Variants in GALNT18 observed in about 807,000 individuals in gnomAD.
GALNT18 encodes polypeptide N-acetylgalactosaminyltransferase 18, also known as GalNAc-transferase 18.
GALNT18 carries 44 observed loss-of-function variants against 69.5 expected under a neutral mutation model. The ratio of observed to expected loss-of-function variants is 0.63; its 90% confidence interval spans 0.50 to 0.81. GALNT18 has a LOEUF of 0.81. Ranked by LOEUF, GALNT18 falls within the 40% of genes least tolerant of loss-of-function variation. GALNT18 has a pLI of 0.00. For missense variants in GALNT18, 715 were observed against 810.0 expected, an observed-to-expected ratio of 0.88 and a Z score of 1.42; for synonymous variants, 364 against 318.2, an observed-to-expected ratio of 1.14 and a Z score of -1.53.
chr11:11,327,598 G>T (rs1849945612), intron 8 of GALNT18, among the ~76,000 whole-genome samples: 1 of 152,208 alleles, frequency 6.6e-6, no homozygotes, highest in Non-Finnish European at 1.5e-5. Context: ...CCTGGGACCA[G>T]ACGCTCTCTG....
At chr11:11,486,938 C>T (rs74606789) in intron 1 of GALNT18, among the ~76,000 whole-genome samples, 5,769 of 152,306 alleles carry the variant, frequency 0.038, 140 homozygotes, top group South Asian at 0.071. Flanking sequence ...ACCACTTGAC[C>T]TGGTATGATG....
rs1292144509 is a variant in GALNT18 at position 11,315,470 on chromosome 11, T to C, written c.1512+11616A>G. 6.6e-6 allele frequency among the ~76,000 whole-genome samples: 1 copy of C among 152,192 alleles called. No homozygotes were observed. Among genetic ancestry groups the C allele is most frequent in the African/African-American group, 2.4e-5 (1 of 41,444 alleles). ...TCTTCATGGATTCTCAAAGGGCTGC[T>C]GGAATGAAGGGAGCCACCCCAGCCC... On this transcript the variant is annotated intron_variant, in intron 9 of 10. Coordinates refer to ENST00000227756, the MANE Select transcript of GALNT18 (RefSeq NM_198516.3). The surrounding 1 kb of genome is among the most constrained non-coding windows in gnomAD (Gnocchi z 5.6).
intron 1 of GALNT18, among the ~76,000 whole-genome samples, chr11:11,554,113 C>T (rs1015176288): frequency 6.6e-5 from 10 of 152,156 alleles, no homozygotes; most frequent in Admixed American, 2.6e-4. Context: ...CCACTCCCTC[C>T]GCTGACTGGC....
At chr11:11,485,592 C>A (rs1217199046) in intron 1 of GALNT18, among the ~76,000 whole-genome samples, 3 of 152,158 alleles carry the variant, frequency 2.0e-5, no homozygotes, top group East Asian at 3.8e-4. Context: ...AGGGAGAAGT[C>A]TTTGCAAGAC....
Position 11,432,443 on chromosome 11 carries a change from G to C in GALNT18, c.595+178C>G, listed in dbSNP as rs1855287637. Among the ~76,000 whole-genome samples the C allele has an allele frequency of 6.6e-6, 1 of 152,202 alleles. No individual in the cohort carries two copies. Among genetic ancestry groups the C allele is most frequent in the Admixed American group, 6.5e-5 (1 of 15,288 alleles). On this transcript the variant is annotated intron_variant, in intron 3 of 10. Coordinates refer to ENST00000227756, the MANE Select transcript of GALNT18 (RefSeq NM_198516.3). The surrounding 1 kb of genome is among the most constrained non-coding windows in gnomAD (Gnocchi z 5.8). ...GACCAGACCCCTCTGGGATGCAGAG[G>C]CCATGCTCAGACGGAGTGAACCTTC... is the stretch of plus-strand genomic sequence containing the variant.
chr11:11,342,027 C>T (rs893428208), intron 6 of GALNT18, among the ~76,000 whole-genome samples: 2 of 151,766 alleles, frequency 1.3e-5, no homozygotes, highest in East Asian at 1.9e-4. Context: ...AGTCTTTGCT[C>T]GATATTCAGA....
intron 9 of GALNT18, among the ~76,000 whole-genome samples, chr11:11,304,827 T>C (rs1352274351): frequency 1.3e-5 from 2 of 152,242 alleles, no homozygotes; most frequent in Non-Finnish European, 1.5e-5. Flanking sequence ...ACTGTCTTTT[T>C]GTTCTCTGCC....
At chr11:11,578,812 C>CA (rs774396249) in intron 1 of GALNT18, among the ~76,000 whole-genome samples, 6 of 152,330 alleles carry the variant, frequency 3.9e-5, no homozygotes, top group Non-Finnish European at 5.9e-5. Context: ...AAGGGAGGTG[C>CA]AATCCCAGCC....
chr11:11,446,249 T>C (rs1402340002), intron 2 of GALNT18, among the ~76,000 whole-genome samples: 2 of 152,214 alleles, frequency 1.3e-5, no homozygotes, highest in African/African-American at 4.8e-5. Context: ...GGGAAGGGCA[T>C]TATCGGCACG....
intron 9 of GALNT18, among the ~76,000 whole-genome samples, chr11:11,306,895 G>A: frequency 6.6e-6 from 1 of 152,204 alleles, no homozygotes; most frequent in East Asian, 1.9e-4. Context: ...CATCACCTAT[G>A]TGACACAAGC....
intron 1 of GALNT18, among the ~76,000 whole-genome samples, chr11:11,559,187 T>C (rs1858403827): frequency 6.6e-6 from 1 of 152,228 alleles, no homozygotes; most frequent in African/African-American, 2.4e-5. Flanking sequence ...GCTGTTTGCC[T>C]GGCAAACTAC....
At chr11:11,460,085 C>G (rs1190022052) in intron 1 of GALNT18, among the ~76,000 whole-genome samples, 1 of 152,154 alleles carries the variant, frequency 6.6e-6, no homozygotes, top group Admixed American at 6.5e-5. Context: ...TTCAAGGACC[C>G]CTACGGTTGC....
At chr11:11,610,816 C>T (rs571371411) in intron 1 of GALNT18, among the ~76,000 whole-genome samples, 2 of 152,316 alleles carry the variant, frequency 1.3e-5, no homozygotes, top group East Asian at 3.9e-4. Context: ...AGCCCATGAA[C>T]TGACAGGTCT....
intron 1 of GALNT18, among the ~76,000 whole-genome samples, chr11:11,491,444 C>T (rs1856768342): frequency 6.6e-6 from 1 of 152,206 alleles, no homozygotes; most frequent in Admixed American, 6.5e-5. Context: ...AACCATCTCC[C>T]AGGGCATAAC....
intron 1 of GALNT18, among the ~76,000 whole-genome samples, chr11:11,508,914 G>C (rs946293626): frequency 5.9e-5 from 9 of 152,122 alleles, no homozygotes; most frequent in Non-Finnish European, 1.2e-4. Flanking sequence ...CAATAACAAA[G>C]AGAGGCTCAG....
intron 1 of GALNT18, among the ~76,000 whole-genome samples, chr11:11,485,915 T>C (rs1305210198): frequency 6.6e-6 from 1 of 152,196 alleles, no homozygotes; most frequent in Non-Finnish European, 1.5e-5. Flanking sequence ...CTGCCCTATG[T>C]AATCTTCTCT....
intron 6 of GALNT18, among the ~76,000 whole-genome samples, chr11:11,361,235 G>A (rs925184397): frequency 5.3e-5 from 8 of 152,184 alleles, no homozygotes; most frequent in Non-Finnish European, 7.3e-5. Context: ...AGACCACAAC[G>A]CTATGCCTTC....
chr11:11,544,127 G>T (rs1044544937), intron 1 of GALNT18, among the ~76,000 whole-genome samples: 5 of 152,222 alleles, frequency 3.3e-5, no homozygotes, highest in African/African-American at 1.2e-4. Context: ...GATGCCATAG[G>T]TGTGGGAGAT....
intron 10 of GALNT18, among the ~76,000 whole-genome samples, chr11:11,280,039 C>G (rs1849036768): frequency 6.6e-6 from 1 of 152,076 alleles, no homozygotes; most frequent in Non-Finnish European, 1.5e-5. Context: ...GGATTACCGA[C>G]TTCCTGTGTT....
Sources: allele counts gnomAD v4.1 joint callset (sites outside exome capture counted in the v4.1 genomes callset), GRCh38; gene constraint gnomAD v4.1.1; non-coding constraint Gnocchi (gnomAD v3.1); transcripts MANE v1.5; gene names NCBI Gene and HGNC (gene_info 2026-07-23, HGNC 2026-07-21).